The following RBM33 variants were observed in gnomAD, a reference collection of about 807,000 sequenced individuals.
RBM33 encodes RNA-binding protein 33.
In RBM33, 28 loss-of-function variants were observed where a neutral mutation model predicts 132.6. The observed-to-expected ratio is 0.21, with a 90% CI of 0.16 to 0.29. The LOEUF (loss-of-function observed/expected upper bound fraction) is 0.29. RBM33 is among the 10% of genes least tolerant of loss of function. The probability of loss-of-function intolerance (pLI) is 1.00; values close to 1 mark genes in which losing one functional copy is unlikely to be tolerated. For synonymous variants in RBM33, 634 were observed against 593.0 expected (o/e 1.07, Z -1.01); for missense variants, 1,291 against 1,518.5 (o/e 0.85, Z 2.49).
chr7:155,648,259 G>C (rs1445364130), intron 1 of RBM33, among the ~76,000 whole-genome samples: 1 of 152,182 alleles, frequency 6.6e-6, no homozygotes, highest in African/African-American at 2.4e-5. Flanking sequence ...TAAAATTTTA[G>C]AGCAAGATAC....
chr7:155,646,000 G>A (rs1326542797), intron 1 of RBM33, among the ~76,000 whole-genome samples: 1 of 152,204 alleles, frequency 6.6e-6, no homozygotes, highest in Non-Finnish European at 1.5e-5. Flanking sequence ...TTAAATACAT[G>A]ATGTTTGCGT....
At chr7:155,737,089 A>G (rs1409235133) in intron 9 of RBM33, among the ~76,000 whole-genome samples, 2 of 152,158 alleles carry the variant, frequency 1.3e-5, no homozygotes, top group African/African-American at 4.8e-5. Context: ...AACCTTTTCT[A>G]GGGTTGGATA....
At chr7:155,678,492 G>A in intron 3 of RBM33, 116 bp from the exon 4 acceptor site, 1 of 629,930 alleles carries the variant, frequency 1.6e-6, no homozygotes, top group East Asian at 3.0e-5. Context: ...AAGCCTTCCG[G>A]GTGGCAAACG....
chr7:155,733,524 T>TG (rs2117016789), intron 9 of RBM33, among the ~76,000 whole-genome samples: 1 of 88,902 alleles, frequency 1.1e-5, no homozygotes, highest in African/African-American at 5.3e-5. Context: ...GATGAGTTCA[T>TG]GGGGCCCTGG....
chr7:155,660,862 A>G (rs1798619666), intron 1 of RBM33, among the ~76,000 whole-genome samples: 1 of 151,776 alleles, frequency 6.6e-6, no homozygotes. Flanking sequence ...TGGTGCTCCC[A>G]TTACACGTAT....
At position 155,774,682 on chromosome 7, in the gene RBM33, G is replaced by C. The variant is rs1802544994; in HGVS notation, c.3464+35G>C. ...GTGTTCTGTGCTTGTGGTGATAAGG[G>C]GGCGGGAGCAAGGCCCTCCTTCCTG... On this transcript the variant is annotated intron_variant, in intron 17 of 17. Transcript: ENST00000401878. The surrounding 1 kb of genome is among the most constrained non-coding windows in gnomAD (Gnocchi z 4.2). 2 of 1,557,064 alleles carry C rather than the reference G, an allele frequency of 1.3e-6. No individual in the cohort carries two copies. The highest frequency in any genetic ancestry group is 1.4e-5 in the African/African-American group (1 of 73,708).
intron 14 of RBM33, among the ~76,000 whole-genome samples, chr7:155,758,361 G>A (rs28672822): frequency 0.016 from 2,468 of 152,292 alleles, 62 homozygotes; most frequent in African/African-American, 0.055. Flanking sequence ...TCCGTGGACT[G>A]GGGTTGGCGG....
intron 6 of RBM33, among the ~76,000 whole-genome samples, chr7:155,704,250 G>T (rs1800048528): frequency 6.6e-6 from 1 of 152,148 alleles, no homozygotes; most frequent in South Asian, 2.1e-4. Flanking sequence ...TTTCATCTAG[G>T]TTAAGATCTT....
intron 9 of RBM33, among the ~76,000 whole-genome samples, chr7:155,721,518 A>G (rs537218138): frequency 7.9e-5 from 12 of 152,206 alleles, no homozygotes; most frequent in East Asian, 1.9e-4. Flanking sequence ...TTCATACCCA[A>G]TTGACTAAAA....
chr7:155,680,645 G>T lies in RBM33; in HGVS notation c.304G>T (p.Glu102Ter). 1 of 1,608,688 alleles carries T rather than the reference G, an allele frequency of 6.2e-7. No individual in the cohort carries two copies. The highest frequency in any genetic ancestry group is 1.1e-5 in the South Asian group (1 of 90,296). The part of the protein sequence containing the change: ...NATSGMVTSF[E>*]LSDNTNDQSG... The stretch of plus-strand genomic sequence containing the variant: ...TACATCTGGCATGGTTACATCATTT[G>T]AACTCTCTGACAACACTAACGACCA... The change falls in exon 5 of 18, where the codon GAA (glutamate) becomes TAA (stop). Residue 102 changes from glutamate (E) to a stop codon, truncating the protein, a stop_gained. Coordinates refer to ENST00000401878, the MANE Select transcript of RBM33 (RefSeq NM_053043.3). LOFTEE classifies it high-confidence loss of function.
rs764639244 is a variant in RBM33, at chr7:155,721,494, T to C, written c.1260+3051T>C. On this transcript the variant is annotated intron_variant, in intron 9 of 17. Transcript: ENST00000401878. ...GAATTATATCACATGCATTTAACTA[T>C]ACAAGAATGCAGCTTCATACCCAAT... 2.6e-5 allele frequency among the ~76,000 whole-genome samples: 4 copies of C among 152,162 alleles called. No individual in the cohort carries two copies. The South Asian group carries it at 8.3e-4, about 32-fold the overall frequency.
At chr7:155,714,231 A>G (rs10226869) in intron 8 of RBM33, among the ~76,000 whole-genome samples, 27,076 of 152,114 alleles carry the variant, frequency 0.18, 2,458 homozygotes, top group East Asian at 0.28. Flanking sequence ...TATGAGGGTC[A>G]TAGTTTTCAC....
chr7:155,674,521 A>G (rs1297929175), intron 3 of RBM33, among the ~76,000 whole-genome samples: 5 of 152,236 alleles, frequency 3.3e-5, no homozygotes, highest in African/African-American at 1.2e-4. Flanking sequence ...GGCAAGCCTC[A>G]TGTCATGGTT....
intron 8 of RBM33, among the ~76,000 whole-genome samples, chr7:155,717,893 T>G (rs1371555813): frequency 6.6e-6 from 1 of 152,234 alleles, no homozygotes; most frequent in East Asian, 1.9e-4. Context: ...TTTAACAGTT[T>G]GTGAGCATTT....
At chr7:155,771,374 A>G (rs1192630115) in intron 16 of RBM33, among the ~76,000 whole-genome samples, 2 of 152,178 alleles carry the variant, frequency 1.3e-5, no homozygotes, top group Non-Finnish European at 2.9e-5. Context: ...GTATCTAGAA[A>G]ACAGGGTTTA....
chr7:155,673,942 T>TGTTGTTTTTTTTTTGTTTTTTTG (rs780547846), intron 3 of RBM33, among the ~76,000 whole-genome samples: 1 of 31,426 alleles, frequency 3.2e-5, no homozygotes, highest in African/African-American at 8.3e-5. Flanking sequence ...TAGGCTTAGT[T>TGTTGTTTTTTTTTTGTTTTTTTG]TTTTTTTTTT....
chr7:155,703,252 A>G (rs1800018417), intron 6 of RBM33, among the ~76,000 whole-genome samples: 1 of 152,126 alleles, frequency 6.6e-6, no homozygotes, highest in African/African-American at 2.4e-5. Context: ...AACTTGTATT[A>G]AATCTGTTTT....
At chr7:155,701,217 T>C (rs536580828) in intron 6 of RBM33, 7 of 516,934 alleles carry the variant, frequency 1.4e-5, no homozygotes, top group Admixed American at 3.6e-5. Flanking sequence ...CAGCTGCTCT[T>C]GTACATGCTG....
intron 6 of RBM33, among the ~76,000 whole-genome samples, chr7:155,706,050 T>C (rs994003542): frequency 1.3e-5 from 2 of 152,250 alleles, no homozygotes; most frequent in African/African-American, 4.8e-5. Context: ...TTAATAGTTT[T>C]GTTTTTAAGT....
Sources: gnomAD v4.1 joint callset for allele counts (sites outside exome capture counted in the v4.1 genomes callset) on GRCh38, gnomAD v4.1.1 for gene constraint, Gnocchi (gnomAD v3.1) non-coding constraint, MANE v1.5 for transcripts, NCBI Gene and HGNC (gene_info 2026-07-23, HGNC 2026-07-21) for gene names.